Variants in COP1 observed in about 807,000 individuals in gnomAD.
The protein encoded by COP1 is COP1 E3 ubiquitin ligase.
COP1 carries 24 observed loss-of-function variants against 101.3 expected under a neutral mutation model. That is an observed-to-expected ratio of 0.24 (90% CI 0.17 to 0.33). The LOEUF is 0.33. COP1 is among the 10% of genes least tolerant of loss of function. COP1 has a pLI of 1.00. For synonymous variants in COP1, 347 were observed against 341.9 expected, an observed-to-expected ratio of 1.01 and a Z score of -0.17; for missense variants, 663 against 906.2, an observed-to-expected ratio of 0.73 and a Z score of 3.45.
intron 11 of COP1, among the ~76,000 whole-genome samples, chr1:176,051,899 T>G (rs1386922013): frequency 2.0e-5 from 3 of 152,060 alleles, no homozygotes; most frequent in Non-Finnish European, 2.9e-5. Flanking sequence ...CAAGGGTTAT[T>G]GCAAAAAAAT....
chr1:176,051,362 A>G (rs1558005997), intron 11 of COP1, among the ~76,000 whole-genome samples: 1 of 152,210 alleles, frequency 6.6e-6, no homozygotes, highest in Non-Finnish European at 1.5e-5. Context: ...AATGAAGCTG[A>G]ACAATTCCTA....
intron 1 of COP1, among the ~76,000 whole-genome samples, chr1:176,201,196 A>G (rs1278675406): frequency 6.6e-6 from 1 of 152,092 alleles, no homozygotes; most frequent in African/African-American, 2.4e-5. Context: ...GAAAACAAAA[A>G]CCAAAAAAAC....
At chr1:176,002,191 C>T (rs551553280) in intron 15 of COP1, among the ~76,000 whole-genome samples, 52 of 152,026 alleles carry the variant, frequency 3.4e-4, no homozygotes, top group African/African-American at 1.2e-3. Flanking sequence ...TTTCTCTCTC[C>T]TCATCTTTTG....
intron 1 of COP1, among the ~76,000 whole-genome samples, chr1:176,190,433 T>G (rs933671140): frequency 4.6e-5 from 7 of 151,848 alleles, no homozygotes; most frequent in Admixed American, 3.9e-4. Flanking sequence ...TAAAATGCTG[T>G]GAAGAAGACA....
intron 8 of COP1, among the ~76,000 whole-genome samples, chr1:176,131,985 CAAT>C (rs1032555972): frequency 1.3e-5 from 2 of 151,664 alleles, no homozygotes; most frequent in South Asian, 2.1e-4. Flanking sequence ...AATTCTCCAA[CAAT>C]ATTTTCATAA....
In COP1 at chr1:176,206,781, C is replaced by T; in HGVS notation, c.198G>A (p.Arg66=). 2.1e-6 allele frequency: 3 copies of T among 1,412,102 alleles called. No homozygotes were observed. Among genetic ancestry groups the T allele is most frequent in the Non-Finnish European group, 2.7e-6 (3 of 1,093,770 alleles). The allele number at this position is 1,412,102 out of a possible 1,614,324, so 87.5% of individuals were successfully genotyped here. The part of the protein sequence containing the change: ...AGSGGLGGPV[R]PVLVAPAVSG... ...ATACGGCGGGCGCCACCAACACAGG[C>T]CGCACCGGGCCCCCGAGGCCGCCCG... The change falls in exon 1 of 20, where the codon CGG becomes CGA. Residue 66 remains arginine (R), a synonymous_variant. Transcript: ENST00000367669.
At chr1:176,002,687 C>T (rs549264553) in intron 15 of COP1, among the ~76,000 whole-genome samples, 306 of 149,050 alleles carry the variant, frequency 2.1e-3, no homozygotes, top group Non-Finnish European at 2.7e-3. Context: ...GACATGAACT[C>T]ATCATTTTTT....
intron 15 of COP1, among the ~76,000 whole-genome samples, chr1:175,994,671 A>C (rs754598641): frequency 2.6e-4 from 40 of 152,268 alleles, no homozygotes; most frequent in African/African-American, 8.2e-4. Context: ...ATGGTAAAGA[A>C]ATCAATTCAA....
At chr1:176,189,208 CA>C (rs1698824589) in intron 1 of COP1, among the ~76,000 whole-genome samples, 1 of 152,054 alleles carries the variant, frequency 6.6e-6, no homozygotes, top group South Asian at 2.1e-4. Flanking sequence ...CTATACTAGC[CA>C]AAAGACAATG....
chr1:176,128,937 G>A (rs1415045292), intron 8 of COP1, among the ~76,000 whole-genome samples: 2 of 151,790 alleles, frequency 1.3e-5, no homozygotes, highest in Non-Finnish European at 2.9e-5. Context: ...AGGCAAGATG[G>A]CTCACTTTTC....
rs182639639 is a variant in COP1, at chr1:176,193,440, A to G, written c.408-8748T>C. Among the ~76,000 whole-genome samples the G allele has an allele frequency of 2.7e-3, 356 of 131,942 alleles. 7 individuals are homozygous for G. The highest frequency in any genetic ancestry group is 0.023 in the Admixed American group (299 of 12,758). The allele number at this position is 131,942 out of a possible 152,430, so 86.6% of individuals were successfully genotyped here. On this transcript the variant is annotated intron_variant, in intron 1 of 19. Coordinates refer to ENST00000367669, the MANE Select transcript of COP1 (RefSeq NM_022457.7). ...AGTAAATGCCCCAGAGACTAGAAAC[A>G]TGTGTTAAAACAAAAACTCATACAC...
At chr1:176,167,166 T>C (rs1223899951) in intron 3 of COP1, among the ~76,000 whole-genome samples, 1 of 152,132 alleles carries the variant, frequency 6.6e-6, no homozygotes, top group Non-Finnish European at 1.5e-5. Context: ...TGAAAGTCAT[T>C]AGAGTCACAC....
At chr1:175,951,438 AT>A (rs1649890593) in intron 18 of COP1, among the ~76,000 whole-genome samples, 1 of 72,296 alleles carries the variant, frequency 1.4e-5, no homozygotes, top group African/African-American at 8.7e-5. Context: ...AGATACGTGA[AT>A]ATATATATAT....
chr1:176,086,079 C>A (rs557214831), intron 9 of COP1, among the ~76,000 whole-genome samples, 189 bp from the exon 10 acceptor site: 1 of 151,900 alleles, frequency 6.6e-6, no homozygotes, highest in African/African-American at 2.4e-5. Flanking sequence ...CAAATTCATT[C>A]GCAGAATGAT....
intron 11 of COP1, among the ~76,000 whole-genome samples, chr1:176,049,178 C>CAAAAAAAAAAAAAAAA (rs61267982): frequency 4.2e-5 from 5 of 118,358 alleles, no homozygotes; most frequent in South Asian, 2.8e-4. Context: ...GACTCCGTCT[C>CAAAAAAAAAAAAAAAA]AAAAAAAAAA....
rs563875419 is a variant in COP1 at position 176,023,850 on chromosome 1, A to C, written c.1729+3722T>G. Among the ~76,000 whole-genome samples the C allele has an allele frequency of 3.3e-5, 5 of 152,332 alleles. No homozygotes were observed. The South Asian group carries it at 1.0e-3, about 32-fold the overall frequency. On this transcript the variant is annotated intron_variant, in intron 15 of 19. Coordinates refer to ENST00000367669, the MANE Select transcript of COP1 (RefSeq NM_022457.7). ...CTCTAATGAATTCTATCAAATATTT[A>C]AAGAAAATAATGCCAATTCTTCACA...
intron 5 of COP1, among the ~76,000 whole-genome samples, chr1:176,161,837 G>C (rs561575336): frequency 2.2e-4 from 34 of 152,226 alleles, no homozygotes; most frequent in African/African-American, 7.9e-4. Context: ...ATTTTGGCTG[G>C]CTCAACCTGA....
intron 18 of COP1, among the ~76,000 whole-genome samples, chr1:175,954,477 T>C (rs1650364254): frequency 6.6e-6 from 1 of 152,024 alleles, no homozygotes; most frequent in Admixed American, 6.6e-5. Flanking sequence ...AAAAGTTAAT[T>C]CATTGAAAAA....
chr1:176,065,485 A>G (rs191855289), intron 11 of COP1, among the ~76,000 whole-genome samples: 93 of 152,326 alleles, frequency 6.1e-4, no homozygotes, highest in Non-Finnish European at 1.2e-3. Flanking sequence ...ACATATAATG[A>G]CATCAGTTAT....
Sources: allele counts gnomAD v4.1 joint callset (sites outside exome capture counted in the v4.1 genomes callset), GRCh38; gene constraint gnomAD v4.1.1; transcripts MANE v1.5; gene names NCBI Gene and HGNC (gene_info 2026-07-23, HGNC 2026-07-21).